The following KIF1B variants were observed in gnomAD, a reference collection of about 807,000 sequenced individuals.
KIF1B encodes the protein kinesin family member 1B, also known as kinesin-like protein KIF1B.
In KIF1B, 76 loss-of-function variants were observed where a neutral mutation model predicts 241.9. The observed-to-expected ratio is 0.31, with a 90% CI of 0.26 to 0.38. The LOEUF (loss-of-function observed/expected upper bound fraction) is 0.38. KIF1B is among the 10% of genes least tolerant of loss of function. The pLI, the probability that KIF1B is intolerant of heterozygous loss-of-function variation, is 1.00. For missense variants in KIF1B, 1,622 were observed against 2,271.4 expected (o/e 0.71, Z 5.81); for synonymous variants, 750 against 796.7 (o/e 0.94, Z 0.99).
chr1:10,355,130 C>G (rs1652929743), intron 38 of KIF1B, among the ~76,000 whole-genome samples: 4 of 152,204 alleles, frequency 2.6e-5, no homozygotes, highest in Admixed American at 2.6e-4. Flanking sequence ...GTGGTCTCCA[C>G]TTTCCCTCTT....
chr1:10,324,413 TC>T (rs1651644986), intron 25 of KIF1B, among the ~76,000 whole-genome samples: 1 of 152,232 alleles, frequency 6.6e-6, no homozygotes, highest in African/African-American at 2.4e-5. Flanking sequence ...GAAGTTATAA[TC>T]TGGCTTCTTT....
At chr1:10,228,978 T>C (rs1441890434) in intron 1 of KIF1B, among the ~76,000 whole-genome samples, 1 of 152,140 alleles carries the variant, frequency 6.6e-6, no homozygotes, top group African/African-American at 2.4e-5. Context: ...ATTGCTAGTT[T>C]AGGGGAGAAG....
intron 37 of KIF1B, among the ~76,000 whole-genome samples, chr1:10,350,430 G>GT (rs1652750884): frequency 6.6e-6 from 1 of 151,758 alleles, no homozygotes; most frequent in Non-Finnish European, 1.5e-5. Context: ...CGTGGTGGTG[G>GT]GCGCCTGTAG....
chr1:10,247,703 A>C (rs1647246918), intron 2 of KIF1B, among the ~76,000 whole-genome samples: 1 of 152,204 alleles, frequency 6.6e-6, no homozygotes, highest in Non-Finnish European at 1.5e-5. Flanking sequence ...TACAGAGTTT[A>C]TTACATGCTT....
Position 10,278,021 on chromosome 1 carries a change from C to T in KIF1B, c.1073C>T (p.Ala358Val). Residue 358 changes from alanine to valine, a missense_variant, in exon 13 of 49, where the codon GCT becomes GTT. Physicochemically the swap from Ala to Val is moderately conservative, Grantham distance 64. Around this residue, in one of 7 missense-constraint regions of KIF1B, gnomAD observed 201 missense variants for 301.2 expected, o/e 0.67. Transcript: ENST00000676179. ...CGTGCAAAACAAATTAAATGCAATG[C>T]TGTTATCAATGAGGACCCCAATGCC... ...ADRAKQIKCN[A>V]VINEDPNAKL... 1 of 1,613,900 alleles carries T rather than the reference C, an allele frequency of 6.2e-7. No individual in the cohort carries two copies. The highest frequency in any genetic ancestry group is 8.5e-7 in the Non-Finnish European group (1 of 1,179,880).
At chr1:10,271,669 ATTTGTT>A in intron 8 of KIF1B, 90 bp downstream of exon 8, 1 of 899,868 alleles carries the variant, frequency 1.1e-6, no homozygotes, top group Non-Finnish European at 1.9e-6. Context: ...AGCTACATAC[ATTTGTT>A]TATGTATTGT....
intron 45 of KIF1B, among the ~76,000 whole-genome samples, chr1:10,372,289 C>T (rs1638752486): frequency 1.3e-5 from 2 of 152,014 alleles, no homozygotes; most frequent in Admixed American, 1.3e-4. Flanking sequence ...AATCCCAGCA[C>T]TTTCAGGGGC....
chr1:10,326,418 C>T lies in KIF1B; in HGVS notation c.2924+59C>T. ...GACCAGCTCTTGCTCTGAAGGCCTC[C>T]CTGCTTGCACAATTTTGGATAACCT... On this transcript the variant is annotated intron_variant, in intron 27 of 48. Transcript: ENST00000676179. The surrounding 1 kb of genome is among the most constrained non-coding windows in gnomAD (Gnocchi z 5.2). 1.2e-6 allele frequency: 2 copies of T among 1,609,304 alleles called. No individual in the cohort carries two copies. Among genetic ancestry groups the T allele is most frequent in the Non-Finnish European group, 1.7e-6 (2 of 1,177,882 alleles).
chr1:10,290,145 T>A lies in KIF1B; in HGVS notation c.1435-937T>A, dbSNP rs567685445. 2.1e-3 allele frequency among the ~76,000 whole-genome samples: 322 copies of A among 152,160 alleles called. 1 individual carries two copies. The highest frequency in any genetic ancestry group is 3.1e-3 in the Non-Finnish European group (209 of 67,990). Reference sequence around the variant, plus strand: ...CGTTCTTTTTAAATTAAATTAAATTTAATTTAATTAATTTATTTTTTTAAT... The same window carrying A: ...CGTTCTTTTTAAATTAAATTAAATTAAATTTAATTAATTTATTTTTTTAAT... On this transcript the variant is annotated intron_variant, in intron 15 of 48. Transcript: ENST00000676179.
Position 10,282,533 on chromosome 1 carries a change from G to A in KIF1B, c.1434G>A (p.Lys478=). The change falls in exon 15 of 49, where the codon AAG becomes AAA. Residue 478 remains lysine, a splice_region_variant and synonymous_variant. Transcript: ENST00000676179. ...GAGAGGAAGCTATTGAACGTTTAAAGGTAAGTAATAGTTCAGACTGAATAC... is the reference window on the plus strand; with the variant it reads ...GAGAGGAAGCTATTGAACGTTTAAAAGTAAGTAATAGTTCAGACTGAATAC... The part of the protein sequence containing the change: ...PGGEEAIERL[K]ESEKIIAELN... The A allele has an allele frequency of 1.2e-6, 2 of 1,611,542 alleles. No individual in the cohort carries two copies. Among genetic ancestry groups the A allele is most frequent in the South Asian group, 1.1e-5 (1 of 91,010 alleles).
chr1:10,232,818 A>G (rs1646999903), intron 2 of KIF1B, among the ~76,000 whole-genome samples: 1 of 152,232 alleles, frequency 6.6e-6, no homozygotes, highest in Non-Finnish European at 1.5e-5. Context: ...TGATTTTGCC[A>G]AGATGATCTT....
In KIF1B at chr1:10,376,843, A is replaced by G. The variant is rs547409544; in HGVS notation, c.*256A>G. 6.7e-4 allele frequency: 307 copies of G among 458,400 alleles called. No individual in the cohort carries two copies. Among genetic ancestry groups the G allele is most frequent in the Non-Finnish European group, 8.1e-4 (200 of 246,580 alleles). 28.4% of individuals were successfully genotyped at this position (458,400 alleles called of 1,614,324 possible). On this transcript the variant is annotated 3_prime_UTR_variant, in exon 49 of 49. Transcript: ENST00000676179. The stretch of plus-strand genomic sequence containing the variant: ...GGAAAAAATGTTTTTAAACACACAC[A>G]CACACACACACACACACACACACAT...
intron 22 of KIF1B, chr1:10,304,633 G>C: frequency 6.2e-7 from 1 of 1,613,906 alleles, no homozygotes. Context: ...AGCTGGTCGA[G>C]AAACCACAGT....
Position 10,374,092 on chromosome 1 carries a change from A to G in KIF1B, c.4947-224A>G, listed in dbSNP as rs1316460562. On this transcript the variant is annotated intron_variant, in intron 45 of 48. Transcript: ENST00000676179. This position sits in a 1 kb window ranked among gnomAD's most constrained non-coding sequence, Gnocchi z 4.3. ...AGATTGTGTGACCCAGTGGCCATCA[A>G]TGATCAATTTCCTTTCATAACTTCA... Among the ~76,000 whole-genome samples the G allele has an allele frequency of 6.6e-6, 1 of 152,186 alleles. No individual in the cohort carries two copies. The highest frequency in any genetic ancestry group is 2.4e-5 in the African/African-American group (1 of 41,430).
Position 10,377,778 on chromosome 1 carries a change from A to G in KIF1B, c.*1191A>G. 5.4e-6 allele frequency: 1 copy of G among 183,984 alleles called. No homozygotes were observed. The highest frequency in any genetic ancestry group is 1.2e-5 in the Non-Finnish European group (1 of 86,762). The allele number at this position is 183,984 out of a possible 1,614,324, so 11.4% of individuals were successfully genotyped here. On this transcript the variant is annotated 3_prime_UTR_variant, in exon 49 of 49. Transcript: ENST00000676179. Reference sequence around the variant, plus strand: ...ATGATGAAACCCCGTCTCTACTAAAAATACAAAATTAGTCGGGTATGGTGG... The same window carrying G: ...ATGATGAAACCCCGTCTCTACTAAAGATACAAAATTAGTCGGGTATGGTGG...
rs1260304432 is a variant in KIF1B, at chr1:10,358,686, A to G, written c.4056-2243A>G. Among the ~76,000 whole-genome samples, 52 of 150,688 alleles carry G rather than the reference A, an allele frequency of 3.5e-4. 1 individual carries two copies. In the East Asian group the frequency reaches 5.3e-3, roughly 15 times the overall value. On this transcript the variant is annotated intron_variant, in intron 38 of 48. Coordinates refer to ENST00000676179, the MANE Select transcript of KIF1B (RefSeq NM_001365951.3). ...TGACAAAAGCAAGACTCTGTCTCAAAAAAAAAAAAAAAAAACAGATCTCAC... is the reference window on the plus strand; with the variant it reads ...TGACAAAAGCAAGACTCTGTCTCAAGAAAAAAAAAAAAAAACAGATCTCAC...
chr1:10,286,181 A>T (rs1156385313), intron 15 of KIF1B, among the ~76,000 whole-genome samples: 1 of 152,124 alleles, frequency 6.6e-6, no homozygotes, highest in Non-Finnish European at 1.5e-5. Flanking sequence ...CTGGGATTAC[A>T]GGCATGTACC....
At chr1:10,305,260 T>C (rs1650771120) in intron 22 of KIF1B, 1 of 1,041,980 alleles carries the variant, frequency 9.6e-7, no homozygotes, top group South Asian at 4.6e-5. Context: ...TCTTCTTTTA[T>C]TCTGTATTTT....
chr1:10,296,889 T>C lies in KIF1B; in HGVS notation c.1862-8T>C, dbSNP rs1361541242. The stretch of plus-strand genomic sequence containing the variant: ...ATTTCTTAACCCTATTTTTCTGTTT[T>C]GTGCTAGGAAACCGTATCATCATGG... On this transcript the variant is annotated splice_region_variant and splice_polypyrimidine_tract_variant and intron_variant, in intron 20 of 48. Coordinates refer to ENST00000676179, the MANE Select transcript of KIF1B (RefSeq NM_001365951.3). 1 of 1,613,416 alleles carries C rather than the reference T, an allele frequency of 6.2e-7. No individual in the cohort carries two copies. Among genetic ancestry groups the C allele is most frequent in the Non-Finnish European group, 8.5e-7 (1 of 1,179,488 alleles).
Sources: allele counts gnomAD v4.1 joint callset (sites outside exome capture counted in the v4.1 genomes callset), GRCh38; gene constraint gnomAD v4.1.1; regional missense constraint gnomAD v4.1.1; non-coding constraint Gnocchi (gnomAD v3.1); transcripts MANE v1.5; gene names NCBI Gene and HGNC (gene_info 2026-07-23, HGNC 2026-07-21).